IQCJ: variants seen among roughly 807,000 people sequenced by gnomAD.
The protein encoded by IQCJ is IQ domain-containing protein J.
A neutral mutation model predicts 11.0 loss-of-function variants in IQCJ; 9 were observed. The ratio of observed to expected loss-of-function variants is 0.82; its 90% confidence interval spans 0.49 to 1.43. IQCJ has a LOEUF of 1.43. IQCJ is among the 40% of genes most tolerant of loss of function. The pLI is 0.00. For synonymous variants in IQCJ, 55 were observed against 51.3 expected (o/e 1.07, Z -0.31); for missense variants, 146 against 133.2 (o/e 1.10, Z -0.47).
intron 1 of IQCJ, among the ~76,000 whole-genome samples, chr3:159,200,515 A>G (rs1724265915): frequency 6.6e-6 from 1 of 152,118 alleles, no homozygotes; most frequent in Non-Finnish European, 1.5e-5. Flanking sequence ...GTGTTGATGC[A>G]GGGAGGGGAC....
At chr3:159,087,600 GT>G (rs1716885506) in intron 1 of IQCJ, among the ~76,000 whole-genome samples, 1 of 147,680 alleles carries the variant, frequency 6.8e-6, no homozygotes, top group Non-Finnish European at 1.5e-5. Context: ...TTCAGATCCT[GT>G]TATTGGTCTA....
chr3:159,243,213 C>T (rs765222003), intron 1 of IQCJ, among the ~76,000 whole-genome samples: 4 of 152,094 alleles, frequency 2.6e-5, no homozygotes, highest in Non-Finnish European at 4.4e-5. Flanking sequence ...ATGTATTTAC[C>T]TCATGAGGTA....
At chr3:159,179,514 G>A (rs73164387) in intron 1 of IQCJ, among the ~76,000 whole-genome samples, 41,130 of 151,130 alleles carry the variant, frequency 0.27, 5,739 homozygotes, top group South Asian at 0.39. Flanking sequence ...GTTACTTTAG[G>A]GAAAATAAAA....
intron 1 of IQCJ, among the ~76,000 whole-genome samples, chr3:159,117,362 C>T (rs573903142): frequency 3.9e-5 from 6 of 152,298 alleles, no homozygotes; most frequent in South Asian, 2.1e-4. Flanking sequence ...GAAAGGGCTG[C>T]GCTTCCGACC....
chr3:159,242,850 A>G lies in IQCJ; in HGVS notation c.10-2993A>G, dbSNP rs61795189. Among the ~76,000 whole-genome samples the G allele has an allele frequency of 9.6e-3, 1,460 of 152,310 alleles. 14 individuals carry two copies. Among genetic ancestry groups the G allele is most frequent in the African/African-American group, 0.014 (568 of 41,574 alleles). The stretch of plus-strand genomic sequence containing the variant: ...CAATAAATTATATTGCATCAAAATG[A>G]AAAGATTTGCTTGTCAAAATATATT... On this transcript the variant is annotated intron_variant, in intron 1 of 3. Transcript: ENST00000397832.
At chr3:159,082,725 C>T (rs56107560) in intron 1 of IQCJ, among the ~76,000 whole-genome samples, 2,583 of 152,084 alleles carry the variant, frequency 0.017, 69 homozygotes, top group African/African-American at 0.06. Context: ...TGAGTCAATA[C>T]CCATCTAAGT....
intron 1 of IQCJ, among the ~76,000 whole-genome samples, chr3:159,089,926 A>C (rs1717115736): frequency 6.6e-6 from 1 of 151,978 alleles, no homozygotes; most frequent in Admixed American, 6.5e-5. Flanking sequence ...AGCTCGTCAA[A>C]GTTATTCTCC....
intron 1 of IQCJ, among the ~76,000 whole-genome samples, chr3:159,117,227 T>A (rs1031561075): frequency 6.6e-6 from 1 of 152,128 alleles, no homozygotes; most frequent in Non-Finnish European, 1.5e-5. Flanking sequence ...ACCTACAGAT[T>A]GTTGAAGCTC....
rs1160758302 is a variant in IQCJ at position 159,091,660 on chromosome 3, ACACACACACGCATG to A, written c.9+22229_9+22242del. On this transcript the variant is annotated intron_variant, in intron 1 of 3. Coordinates refer to ENST00000397832, the MANE Select transcript of IQCJ (RefSeq NM_001042706.3). ...TAAAGGGGTATTTACACACACACAC[ACACACACACGCATG>A]CACACACACACACACACACACACAC... is the stretch of plus-strand genomic sequence containing the variant. 7.1e-5 allele frequency among the ~76,000 whole-genome samples: 4 copies of A among 56,342 alleles called. No homozygotes were observed. The East Asian group carries it at 4.5e-3, about 63-fold the overall frequency. 37.0% of individuals were successfully genotyped at this position (56,342 alleles called of 152,430 possible).
chr3:159,170,474 G>C (rs1440321480), intron 1 of IQCJ, among the ~76,000 whole-genome samples: 2 of 152,164 alleles, frequency 1.3e-5, no homozygotes. Context: ...CTAACATTCA[G>C]TTTTGGCCGG....
Position 159,070,719 on chromosome 3 carries a change from A to G in IQCJ, c.9+1278A>G, listed in dbSNP as rs186082624. Among the ~76,000 whole-genome samples, 5 of 152,248 alleles carry G rather than the reference A, an allele frequency of 3.3e-5. No homozygotes were observed. The East Asian group carries it at 7.7e-4, about 24-fold the overall frequency. On this transcript the variant is annotated intron_variant, in intron 1 of 3. Transcript: ENST00000397832. Reference sequence around the variant, plus strand: ...GCATTCACAAAGTAGGTTTTCTTTGAACTAGTAGTTTTCTAAGAAATTAAA... The same window carrying G: ...GCATTCACAAAGTAGGTTTTCTTTGGACTAGTAGTTTTCTAAGAAATTAAA...
At chr3:159,096,394 C>A (rs1337963853) in intron 1 of IQCJ, among the ~76,000 whole-genome samples, 1 of 146,862 alleles carries the variant, frequency 6.8e-6, no homozygotes, top group Admixed American at 6.8e-5. Context: ...TCAATTTTGT[C>A]TTTTGTTGCC....
At chr3:159,245,183 A>G (rs946473773) in intron 1 of IQCJ, among the ~76,000 whole-genome samples, 1 of 152,128 alleles carries the variant, frequency 6.6e-6, no homozygotes, top group Non-Finnish European at 1.5e-5. Context: ...CTAAGAGACA[A>G]GAGAGAAGGG....
intron 3 of IQCJ, among the ~76,000 whole-genome samples, 195 bp from the exon 4 acceptor site, chr3:159,262,353 T>C (rs147935932): frequency 1.0e-3 from 155 of 152,300 alleles, no homozygotes; most frequent in African/African-American, 3.5e-3. Context: ...ACCAGTAAGG[T>C]AGGGAGACAG....
chr3:159,256,322 C>T (rs1727892809), intron 3 of IQCJ, among the ~76,000 whole-genome samples: 1 of 151,796 alleles, frequency 6.6e-6, no homozygotes, highest in Admixed American at 6.6e-5. Context: ...TGTAATGAAA[C>T]AACATTTAGG....
chr3:159,069,518 T>C, intron 1 of IQCJ, 77 bp downstream of exon 1: 1 of 1,546,666 alleles, frequency 6.5e-7, no homozygotes, highest in Non-Finnish European at 8.7e-7. Flanking sequence ...TAAAAATCTG[T>C]CTTCTGAATT....
At chr3:159,162,150 T>C (rs970067449) in intron 1 of IQCJ, among the ~76,000 whole-genome samples, 8 of 152,200 alleles carry the variant, frequency 5.3e-5, no homozygotes, top group Non-Finnish European at 4.4e-5. Flanking sequence ...ATATTGATTC[T>C]TCCTACCCAT....
chr3:159,159,944 A>G (rs1721744667), intron 1 of IQCJ, among the ~76,000 whole-genome samples: 3 of 152,088 alleles, frequency 2.0e-5, no homozygotes, highest in Middle Eastern at 3.2e-3. Flanking sequence ...TGCCGACCCT[A>G]TGCTTCATAT....
At chr3:159,245,958 TA>T in intron 2 of IQCJ, 51 bp downstream of exon 2, 1 of 1,367,100 alleles carries the variant, frequency 7.3e-7, no homozygotes, top group Non-Finnish European at 1.0e-6. Context: ...AAAGCTTGAG[TA>T]AAAAGAAAAT....
Sources: gnomAD v4.1 joint callset for allele counts (sites outside exome capture counted in the v4.1 genomes callset) on GRCh38, gnomAD v4.1.1 for gene constraint, MANE v1.5 for transcripts, NCBI Gene and HGNC (gene_info 2026-07-23, HGNC 2026-07-21) for gene names.